HMCN1: variants seen among roughly 807,000 people sequenced by gnomAD.
HMCN1 encodes the protein hemicentin 1, also known as hemicentin-1.
In HMCN1, 321 loss-of-function variants were observed where a neutral mutation model predicts 625.9. That is an observed-to-expected ratio of 0.51 (90% CI 0.47 to 0.56). The LOEUF is 0.56. HMCN1 is among the 20% of genes least tolerant of loss of function. The pLI, the probability that HMCN1 is intolerant of heterozygous loss-of-function variation, is 0.00. For missense variants in HMCN1, 6,588 were observed against 6,887.3 expected (o/e 0.96, Z 1.54); for synonymous variants, 2,425 against 2,417.6 (o/e 1.00, Z -0.09).
At chr1:185,911,924 T>TAGG (rs112599305) in intron 6 of HMCN1, 144 bp downstream of exon 6, 36,470 of 691,946 alleles carry the variant, frequency 0.053, 4,969 homozygotes, top group African/African-American at 0.4. Context: ...TAGGTGTTTG[T>TAGG]AGGTGTCTTG....
intron 6 of HMCN1, among the ~76,000 whole-genome samples, chr1:185,915,747 A>G (rs2102463114): frequency 6.6e-6 from 1 of 152,196 alleles, no homozygotes; most frequent in Middle Eastern, 3.4e-3. Flanking sequence ...TAGGAATCAT[A>G]ATTAAATTAA....
At chr1:186,147,498 TATTAATA>T (rs139002307) in intron 93 of HMCN1, among the ~76,000 whole-genome samples, 3,445 of 151,988 alleles carry the variant, frequency 0.023, 138 homozygotes, top group African/African-American at 0.079. Flanking sequence ...TTTCTCTCAG[TATTAATA>T]ATAAAAGTAA....
At chr1:186,021,379 A>C (rs1426066715) in intron 35 of HMCN1, among the ~76,000 whole-genome samples, 1 of 152,018 alleles carries the variant, frequency 6.6e-6, no homozygotes, top group Admixed American at 6.6e-5. Flanking sequence ...CAACTAGTGG[A>C]GATGTCAGTA....
At chr1:186,121,983 G>T (rs1661421364) in intron 80 of HMCN1, among the ~76,000 whole-genome samples, 1 of 152,146 alleles carries the variant, frequency 6.6e-6, no homozygotes, top group Non-Finnish European at 1.5e-5. Flanking sequence ...AGTAGGATAA[G>T]GACCCAAAAG....
chr1:185,907,768 G>T (rs1034328023), intron 4 of HMCN1, among the ~76,000 whole-genome samples: 2 of 151,986 alleles, frequency 1.3e-5, no homozygotes, highest in African/African-American at 4.8e-5. Flanking sequence ...CTAAGATCGT[G>T]TAAGTATGTG....
chr1:185,939,935 G>T (rs1428136434), intron 11 of HMCN1, among the ~76,000 whole-genome samples: 2 of 151,968 alleles, frequency 1.3e-5, no homozygotes. Flanking sequence ...TGGAAGTATA[G>T]ATTATAAAGT....
chr1:186,061,218 C>T (rs1303841795), intron 46 of HMCN1, among the ~76,000 whole-genome samples: 1 of 152,038 alleles, frequency 6.6e-6, no homozygotes, highest in Non-Finnish European at 1.5e-5. Context: ...GTTTAATTGA[C>T]TTACATTCTG....
At position 186,086,331 on chromosome 1, in the gene HMCN1, T is replaced by C. The variant is rs752322192; in HGVS notation, c.8970T>C (p.Gly2990=). 5.6e-6 allele frequency: 9 copies of C among 1,613,304 alleles called. No individual in the cohort carries two copies. The highest frequency in any genetic ancestry group is 7.6e-6 in the Non-Finnish European group (9 of 1,179,500). The change falls in exon 58 of 107, where the codon GGT becomes GGC. Residue 2990 remains glycine (G), a synonymous_variant. Transcript: ENST00000271588. ...TCTCTTTGACCTGTGAGGTCTCTGG[T>C]TTTCCACCTCCTGACCTCAGCTGGC... is the stretch of plus-strand genomic sequence containing the variant. ...NFISLTCEVS[G]FPPPDLSWLK...
chr1:186,102,692 C>G (rs1660437877), intron 68 of HMCN1, among the ~76,000 whole-genome samples: 2 of 152,088 alleles, frequency 1.3e-5, no homozygotes, highest in African/African-American at 2.4e-5. Context: ...ACCTGCTAAC[C>G]CCTGGCGCTG....
At position 186,069,725 on chromosome 1, in the gene HMCN1, G is replaced by A. The variant is rs765007951; in HGVS notation, c.7942G>A (p.Ala2648Thr). ...EDNAGRYSCV[A>T]TNEAGEMIKH... is the part of the protein sequence containing the mutation. ...CAATGCTGGAAGATACTCTTGTGTA[G>A]CCACGAATGAGGCTGGAGAAATGAT... The change falls in exon 51 of 107, where the codon GCC (alanine) becomes ACC (threonine). Residue 2648 changes from alanine (A) to threonine (T), a missense_variant. Ala to Thr is a moderately conservative substitution (Grantham distance 58). Transcript: ENST00000271588. 4 of 1,613,648 alleles carry A rather than the reference G, an allele frequency of 2.5e-6. No individual in the cohort carries two copies. Among genetic ancestry groups the A allele is most frequent in the Non-Finnish European group, 1.7e-6 (2 of 1,179,814 alleles).
rs1171465207 is a variant in HMCN1, at chr1:185,963,749, T to G, written c.1971-19T>G. 6.4e-7 allele frequency: 1 copy of G among 1,550,982 alleles called. No individual in the cohort carries two copies. The highest frequency in any genetic ancestry group is 8.9e-7 in the Non-Finnish European group (1 of 1,123,376). Reference sequence around the variant, plus strand: ...TGTGGCATTTTCAATTTTATATTCTTTTTGTTTTTTATTCATAGGTATAGG... The same window carrying G: ...TGTGGCATTTTCAATTTTATATTCTGTTTGTTTTTTATTCATAGGTATAGG... On this transcript the variant is annotated intron_variant, in intron 12 of 106. Coordinates refer to ENST00000271588, the MANE Select transcript of HMCN1 (RefSeq NM_031935.3).
At chr1:185,953,041 C>T (rs551117162) in intron 11 of HMCN1, among the ~76,000 whole-genome samples, 15 of 151,264 alleles carry the variant, frequency 9.9e-5, no homozygotes, top group Non-Finnish European at 2.1e-4. Context: ...CCTAGAAAAG[C>T]GGGACTTGCC....
At chr1:186,014,936 G>A (rs1481527958) in intron 30 of HMCN1, among the ~76,000 whole-genome samples, 1 of 152,018 alleles carries the variant, frequency 6.6e-6, no homozygotes, top group Non-Finnish European at 1.5e-5. Flanking sequence ...TCCCTGAAAT[G>A]GAATCTGTGA....
At position 186,057,539 on chromosome 1, in the gene HMCN1, A is replaced by C; in HGVS notation, c.7312+138A>C. ...ACTGTAATATTCACTAATCATATTAAGAAAAAATATTTAAAAGGATGTAAG... is the reference window on the plus strand; with the variant it reads ...ACTGTAATATTCACTAATCATATTACGAAAAAATATTTAAAAGGATGTAAG... On this transcript the variant is annotated intron_variant, in intron 46 of 106. Transcript: ENST00000271588. 4.6e-6 allele frequency: 3 copies of C among 649,824 alleles called. No homozygotes were observed. In the South Asian group the frequency reaches 5.5e-5, roughly 12 times the overall value. 40.3% of individuals were successfully genotyped at this position (649,824 alleles called of 1,614,324 possible).
intron 1 of HMCN1, among the ~76,000 whole-genome samples, chr1:185,782,035 T>A (rs1657159815): frequency 6.6e-6 from 1 of 152,210 alleles, no homozygotes; most frequent in Non-Finnish European, 1.5e-5. Flanking sequence ...TGCTCATGTA[T>A]TGGGTGCATA....
At chr1:185,925,643 G>A (rs555720078) in intron 9 of HMCN1, among the ~76,000 whole-genome samples, 138 of 150,018 alleles carry the variant, frequency 9.2e-4, no homozygotes, top group Middle Eastern at 3.5e-3. Context: ...AGTGTAGAGC[G>A]GGTTAGTTGG....
chr1:186,147,750 A>C (rs951487172), intron 93 of HMCN1, among the ~76,000 whole-genome samples: 2 of 152,136 alleles, frequency 1.3e-5, no homozygotes, highest in Admixed American at 6.5e-5. Context: ...ATGTCTAAAA[A>C]ACAATGCACA....
chr1:185,916,682 CT>C (rs1666720564), intron 6 of HMCN1, among the ~76,000 whole-genome samples: 1 of 152,144 alleles, frequency 6.6e-6, no homozygotes, highest in Non-Finnish European at 1.5e-5. Flanking sequence ...GAAAAACCAT[CT>C]CTATCAGTCA....
At chr1:185,904,794 C>T (rs931545848) in intron 4 of HMCN1, among the ~76,000 whole-genome samples, 4 of 151,788 alleles carry the variant, frequency 2.6e-5, no homozygotes, top group Non-Finnish European at 5.9e-5. Flanking sequence ...TATCCATCAT[C>T]TAATAAGCAC....
Sources: allele counts gnomAD v4.1 joint callset (sites outside exome capture counted in the v4.1 genomes callset), GRCh38; gene constraint gnomAD v4.1.1; transcripts MANE v1.5; gene names NCBI Gene and HGNC (gene_info 2026-07-23, HGNC 2026-07-21).